The following CACNA2D3 variants were observed in gnomAD, a reference collection of about 807,000 sequenced individuals.
CACNA2D3 encodes calcium voltage-gated channel auxiliary subunit alpha2delta 3.
Under a neutral mutation model 160.6 loss-of-function variants are expected in CACNA2D3, and 60 were observed. The ratio of observed to expected loss-of-function variants is 0.37; its 90% CI spans 0.30 to 0.46. CACNA2D3 has a LOEUF of 0.46. Among genes scored for constraint, CACNA2D3 ranks in the 20% least tolerant of loss-of-function variants. The probability of loss-of-function intolerance (pLI) is 1.00; values close to 1 mark genes in which losing one functional copy is unlikely to be tolerated. For missense variants in CACNA2D3, 1,205 were observed against 1,365.0 expected, an observed-to-expected ratio of 0.88 and a Z score of 1.85; for synonymous variants, 558 against 492.9, an observed-to-expected ratio of 1.13 and a Z score of -1.75.
chr3:54,650,450 G>A (rs1200525665), intron 11 of CACNA2D3, among the ~76,000 whole-genome samples: 1 of 152,072 alleles, frequency 6.6e-6, no homozygotes. Flanking sequence ...TGCAACCTCC[G>A]CCTCCTGGGT....
At chr3:54,632,688 T>A (rs1411975248) in intron 10 of CACNA2D3, 1 of 152,146 alleles carries the variant, frequency 6.6e-6, no homozygotes, top group East Asian at 1.9e-4. Context: ...ATCCTAATAT[T>A]TCTGTTGAGG....
intron 4 of CACNA2D3, among the ~76,000 whole-genome samples, chr3:54,405,820 C>T (rs1425386411): frequency 2.0e-5 from 3 of 147,482 alleles, no homozygotes; most frequent in Admixed American, 1.4e-4. Context: ...GGTTAATATC[C>T]AAAATTTATA....
At chr3:54,987,350 C>T (rs1172169613) in intron 30 of CACNA2D3, among the ~76,000 whole-genome samples, 2 of 152,292 alleles carry the variant, frequency 1.3e-5, no homozygotes, top group African/African-American at 4.8e-5. Flanking sequence ...GTGTTTTAAT[C>T]ACACGGGATT....
intron 11 of CACNA2D3, among the ~76,000 whole-genome samples, chr3:54,721,671 G>T (rs2106988914): frequency 6.6e-6 from 1 of 150,856 alleles, no homozygotes; most frequent in Admixed American, 6.7e-5. Context: ...TGAGACCAGA[G>T]GATCACTTGA....
chr3:54,463,325 C>G (rs1700544224), intron 4 of CACNA2D3, among the ~76,000 whole-genome samples: 1 of 152,136 alleles, frequency 6.6e-6, no homozygotes, highest in Non-Finnish European at 1.5e-5. Context: ...GTTGGCTTGC[C>G]TTGCTAGATT....
intron 13 of CACNA2D3, among the ~76,000 whole-genome samples, chr3:54,802,291 G>A (rs1397837106): frequency 2.6e-5 from 4 of 152,102 alleles, no homozygotes; most frequent in African/African-American, 9.7e-5. Context: ...TGGGAAAGCT[G>A]GGGTAGGGAG....
At chr3:54,959,802 T>C (rs1337492309) in intron 27 of CACNA2D3, among the ~76,000 whole-genome samples, 1 of 152,176 alleles carries the variant, frequency 6.6e-6, no homozygotes, top group Admixed American at 6.5e-5. Flanking sequence ...TGAAGAACTT[T>C]GTGAGCATAA....
At chr3:54,166,069 C>T (rs928045323) in intron 2 of CACNA2D3, among the ~76,000 whole-genome samples, 1 of 152,158 alleles carries the variant, frequency 6.6e-6, no homozygotes, top group Non-Finnish European at 1.5e-5. Flanking sequence ...ATACTTGTTG[C>T]CCTGTGTGCC....
intron 3 of CACNA2D3, among the ~76,000 whole-genome samples, chr3:54,346,089 C>A (rs1014515130): frequency 6.6e-6 from 1 of 152,134 alleles, no homozygotes; most frequent in Admixed American, 6.5e-5. Context: ...GAAACCATAT[C>A]CTGGCTCAAG....
chr3:54,704,928 G>A (rs564768480), intron 11 of CACNA2D3, among the ~76,000 whole-genome samples: 3 of 152,128 alleles, frequency 2.0e-5, no homozygotes, highest in Non-Finnish European at 2.9e-5. Flanking sequence ...TGTAGAGAGT[G>A]GAGAGTGCAT....
At chr3:54,210,688 C>G (rs955750411) in intron 2 of CACNA2D3, among the ~76,000 whole-genome samples, 1 of 152,030 alleles carries the variant, frequency 6.6e-6, no homozygotes, top group Non-Finnish European at 1.5e-5. Context: ...TACACAAGCG[C>G]CTGGGAGAGT....
chr3:55,053,329 A>C (rs1437030313), intron 35 of CACNA2D3, among the ~76,000 whole-genome samples: 1 of 151,954 alleles, frequency 6.6e-6, no homozygotes, highest in East Asian at 1.9e-4. Context: ...TGTAGTTAAT[A>C]GTTTATTCCT....
chr3:54,498,043 G>GTT (rs201950967), intron 4 of CACNA2D3, among the ~76,000 whole-genome samples: 7 of 141,944 alleles, frequency 4.9e-5, no homozygotes, highest in African/African-American at 7.7e-5. Flanking sequence ...TTGGCATATA[G>GTT]TTTTTTTTTT....
chr3:54,249,395 A>T (rs1702138320), intron 2 of CACNA2D3, among the ~76,000 whole-genome samples: 2 of 152,140 alleles, frequency 1.3e-5, no homozygotes, highest in Non-Finnish European at 2.9e-5. Flanking sequence ...TAGAATAAAA[A>T]ATCTGGCATC....
chr3:54,714,416 T>G (rs1310875639), intron 11 of CACNA2D3, among the ~76,000 whole-genome samples: 2 of 152,138 alleles, frequency 1.3e-5, no homozygotes, highest in Admixed American at 6.5e-5. Context: ...ACAGGATGTT[T>G]TACTCAGAGA....
chr3:54,150,049 C>T (rs1559863424), intron 2 of CACNA2D3, among the ~76,000 whole-genome samples: 1 of 149,438 alleles, frequency 6.7e-6, no homozygotes, highest in Non-Finnish European at 1.5e-5. Context: ...CATATGGAAA[C>T]ACATACAAGC....
intron 3 of CACNA2D3, among the ~76,000 whole-genome samples, chr3:54,372,702 G>C (rs984670245): frequency 6.6e-6 from 1 of 152,172 alleles, no homozygotes; most frequent in African/African-American, 2.4e-5. Flanking sequence ...AAAGGAGAAA[G>C]AGTTGAAGCT....
chr3:54,266,972 G>A (rs150786991), intron 2 of CACNA2D3, among the ~76,000 whole-genome samples: 26 of 152,258 alleles, frequency 1.7e-4, no homozygotes, highest in Non-Finnish European at 3.5e-4. Context: ...TGTGCCTTGA[G>A]CATGGAGCTT....
chr3:54,832,010 G>GTC (rs1703888661), intron 14 of CACNA2D3, among the ~76,000 whole-genome samples: 2 of 34,668 alleles, frequency 5.8e-5, no homozygotes, highest in African/African-American at 1.2e-4. Flanking sequence ...TCTCTTCTCT[G>GTC]TCACACACAC....
Sources: gnomAD v4.1 joint callset for allele counts (sites outside exome capture counted in the v4.1 genomes callset) on GRCh38, gnomAD v4.1.1 for gene constraint, MANE v1.5 for transcripts, NCBI Gene and HGNC (gene_info 2026-07-23, HGNC 2026-07-21) for gene names.